Variants in CNTFR observed in about 807,000 individuals in gnomAD.
The protein encoded by CNTFR is ciliary neurotrophic factor receptor subunit alpha.
CNTFR carries 12 observed loss-of-function variants against 40.4 expected under a neutral mutation model. The ratio of observed to expected loss-of-function variants is 0.30; its 90% CI spans 0.19 to 0.48. The LOEUF is 0.48. CNTFR is among the 20% of genes least tolerant of loss of function. The pLI is 0.99. For synonymous variants in CNTFR, 202 were observed against 209.6 expected (o/e 0.96, Z 0.31); for missense variants, 414 against 506.8 (o/e 0.82, Z 1.76).
At chr9:34,564,476 A>C in intron 4 of CNTFR, 123 bp downstream of exon 4, 1 of 924,984 alleles carries the variant, frequency 1.1e-6, no homozygotes, top group South Asian at 1.6e-5. Flanking sequence ...ATCAGAGGGC[A>C]AGGGTCAGGC....
intron 2 of CNTFR, among the ~76,000 whole-genome samples, chr9:34,572,856 G>A (rs923164425): frequency 2.0e-5 from 3 of 152,198 alleles, no homozygotes; most frequent in African/African-American, 4.8e-5. Flanking sequence ...CACTGACACA[G>A]TCACAGTGAT....
chr9:34,588,816 A>C (rs1827654395), intron 1 of CNTFR, among the ~76,000 whole-genome samples: 2 of 152,064 alleles, frequency 1.3e-5, no homozygotes, highest in African/African-American at 4.8e-5. Flanking sequence ...CCCAGCCCCC[A>C]CGCACGCGGA....
intron 4 of CNTFR, among the ~76,000 whole-genome samples, chr9:34,563,073 T>C (rs1039676905): frequency 2.6e-5 from 4 of 151,944 alleles, no homozygotes; most frequent in Admixed American, 1.3e-4. Context: ...CCCACAAATA[T>C]CCATCTCCAG....
intron 2 of CNTFR, among the ~76,000 whole-genome samples, chr9:34,574,647 G>A (rs555715256): frequency 3.9e-5 from 6 of 152,316 alleles, no homozygotes; most frequent in African/African-American, 1.4e-4. Flanking sequence ...AAAAGGAGGC[G>A]GCCCAATTGA....
chr9:34,583,556 G>A (rs919194044), intron 1 of CNTFR, among the ~76,000 whole-genome samples: 1 of 152,126 alleles, frequency 6.6e-6, no homozygotes, highest in Admixed American at 6.5e-5. Flanking sequence ...TGGACACCAG[G>A]TGGCTCCGCC....
intron 2 of CNTFR, among the ~76,000 whole-genome samples, chr9:34,570,558 A>C (rs559438152): frequency 6.6e-6 from 1 of 152,306 alleles, no homozygotes; most frequent in East Asian, 1.9e-4. Context: ...ACCCAGAAAA[A>C]CAGCTTGAGA....
At chr9:34,563,138 A>T (rs1425693962) in intron 4 of CNTFR, among the ~76,000 whole-genome samples, 2 of 151,598 alleles carry the variant, frequency 1.3e-5, no homozygotes, top group Non-Finnish European at 2.9e-5. Flanking sequence ...CCAGCCATCA[A>T]CTCCCGGTTG....
chr9:34,553,112 A>G (rs1335905816), intron 7 of CNTFR, among the ~76,000 whole-genome samples: 2 of 152,168 alleles, frequency 1.3e-5, no homozygotes, highest in Non-Finnish European at 2.9e-5. Flanking sequence ...GAAACACCTC[A>G]GGGGAGAATA....
chr9:34,552,678 A>T lies in CNTFR; in HGVS notation c.945T>A (p.Ala315=). 6.2e-7 allele frequency: 1 copy of T among 1,612,982 alleles called. No individual in the cohort carries two copies. Among genetic ancestry groups the T allele is most frequent in the Non-Finnish European group, 8.5e-7 (1 of 1,179,884 alleles). ...EPRHLTTEAQ[A]AETTTSTTSS... ...TAGGGGCGGGAGCAAGCTCACCCGC[A>T]GCCTGGGCCTCCGTGGTGAGGTGTC... Residue 315 remains alanine, a synonymous_variant, in exon 8 of 10, where the codon GCT becomes GCA. Transcript: ENST00000378980. The surrounding 1 kb of genome is among the most constrained non-coding windows in gnomAD (Gnocchi z 5.1).
rs144584246 is a variant in CNTFR at position 34,557,346 on chromosome 9, G to A, written c.604+180C>T. Among the ~76,000 whole-genome samples the A allele has an allele frequency of 1.1e-3, 163 of 152,252 alleles. No individual in the cohort carries two copies. The highest frequency in any genetic ancestry group is 6.7e-3 in the Admixed American group (102 of 15,298). On this transcript the variant is annotated intron_variant, in intron 6 of 9. Coordinates refer to ENST00000378980, the MANE Select transcript of CNTFR (RefSeq NM_147164.3). This position sits in a 1 kb window ranked among gnomAD's most constrained non-coding sequence, Gnocchi z 4.2. ...TCAGGTAAAGGACATTCACTTACAC[G>A]TTCACAGGTGTATATGTCATGCATA...
rs1825678124 is a variant in CNTFR at position 34,552,553 on chromosome 9, G to A, written c.949+121C>T. On this transcript the variant is annotated intron_variant, in intron 8 of 9. Coordinates refer to ENST00000378980, the MANE Select transcript of CNTFR (RefSeq NM_147164.3). This position sits in a 1 kb window ranked among gnomAD's most constrained non-coding sequence, Gnocchi z 5.1. ...GGAATGGCAGGAGTTGGACAGACAG[G>A]CAGAAGTGTGGCTACCCCCGGGAGC... 2 of 1,144,326 alleles carry A rather than the reference G, an allele frequency of 1.7e-6. No homozygotes were observed. Among genetic ancestry groups the A allele is most frequent in the Non-Finnish European group, 1.2e-6 (1 of 824,702 alleles). 70.9% of individuals were successfully genotyped at this position (1,144,326 alleles called of 1,614,324 possible). A position where few individuals can be genotyped will look rare whatever the true frequency, so the allele number is the denominator to read the frequency against.
intron 7 of CNTFR, among the ~76,000 whole-genome samples, chr9:34,555,113 C>T (rs559681793): frequency 3.3e-4 from 50 of 152,226 alleles, no homozygotes; most frequent in Non-Finnish European, 6.3e-4. Flanking sequence ...CGCCGCGACG[C>T]GCGGGGCTGC....
chr9:34,571,959 G>C (rs1289421728), intron 2 of CNTFR, among the ~76,000 whole-genome samples: 1 of 152,080 alleles, frequency 6.6e-6, no homozygotes, highest in Non-Finnish European at 1.5e-5. Context: ...GATCCAGAGA[G>C]AAGAGAGGAG....
chr9:34,573,625 G>A (rs1011434319), intron 2 of CNTFR, among the ~76,000 whole-genome samples: 3 of 152,320 alleles, frequency 2.0e-5, no homozygotes, highest in South Asian at 2.1e-4. Flanking sequence ...AGCACAGAGC[G>A]GAGGGGACTC....
chr9:34,564,545 G>A, intron 4 of CNTFR, 54 bp downstream of exon 4: 1 of 1,483,500 alleles, frequency 6.7e-7, no homozygotes, highest in Non-Finnish European at 9.2e-7. Flanking sequence ...TGGGCTAGGA[G>A]TCTGGGTCTC....
chr9:34,585,712 T>C (rs1827508730), intron 1 of CNTFR, among the ~76,000 whole-genome samples: 1 of 152,100 alleles, frequency 6.6e-6, no homozygotes, highest in South Asian at 2.1e-4. Flanking sequence ...TGAGAGCCCT[T>C]GTGGGTTTGG....
At position 34,557,715 on chromosome 9, in the gene CNTFR, C is replaced by A. The variant is rs768874497; in HGVS notation, c.438-23G>T. The A allele has an allele frequency of 1.5e-5, 25 of 1,613,886 alleles. No homozygotes were observed. The highest frequency in any genetic ancestry group is 2.1e-5 in the Non-Finnish European group (25 of 1,179,884). On this transcript the variant is annotated intron_variant, in intron 5 of 9. Transcript: ENST00000378980. The surrounding 1 kb of genome is among the most constrained non-coding windows in gnomAD (Gnocchi z 4.2). ...TGCCTGGGGAGAGGTGAGACCCAGG[C>A]ACTGTTACGAACATCAAGGGTCAGG...
intron 1 of CNTFR, among the ~76,000 whole-genome samples, chr9:34,588,711 G>A (rs1425987277): frequency 6.6e-6 from 1 of 152,194 alleles, no homozygotes; most frequent in African/African-American, 2.4e-5. Context: ...GGGGGACAAG[G>A]GAGCGAGCAA....
At chr9:34,574,738 C>T (rs992616922) in intron 2 of CNTFR, among the ~76,000 whole-genome samples, 8 of 152,222 alleles carry the variant, frequency 5.3e-5, no homozygotes, top group South Asian at 4.1e-4. Context: ...GACAAGATTC[C>T]GATGGATTTT....
Sources: gnomAD v4.1 joint callset for allele counts (sites outside exome capture counted in the v4.1 genomes callset) on GRCh38, gnomAD v4.1.1 for gene constraint, Gnocchi (gnomAD v3.1) non-coding constraint, MANE v1.5 for transcripts, NCBI Gene and HGNC (gene_info 2026-07-23, HGNC 2026-07-21) for gene names.